Variants in APOLD1 observed in about 807,000 individuals in gnomAD.
APOLD1 encodes the protein apolipoprotein L domain-containing protein 1.
A neutral mutation model predicts 15.3 loss-of-function variants in APOLD1; 22 were observed. That is an observed-to-expected ratio of 1.44 (90% CI 1.03 to 2.05). The LOEUF (loss-of-function observed/expected upper bound fraction) is 2.05. Ranked by LOEUF, APOLD1 falls within the 30% of genes most tolerant of loss-of-function variation. APOLD1 has a pLI of 0.00. For missense variants in APOLD1, 394 were observed against 353.5 expected, an observed-to-expected ratio of 1.11 and a Z score of -0.92; for synonymous variants, 190 against 167.4, an observed-to-expected ratio of 1.13 and a Z score of -1.04.
At chr12:12,750,177 G>C (rs1044369448) in intron 1 of APOLD1, among the ~76,000 whole-genome samples, 2 of 151,900 alleles carry the variant, frequency 1.3e-5, no homozygotes, top group Non-Finnish European at 2.9e-5. Flanking sequence ...GTTCGAGACC[G>C]GCCTGACCAA....
intron 1 of APOLD1, among the ~76,000 whole-genome samples, chr12:12,762,797 T>C (rs571602656): frequency 1.2e-3 from 181 of 152,258 alleles, no homozygotes; most frequent in African/African-American, 4.3e-3. Flanking sequence ...AGGACAAATA[T>C]GGCCCATGAA....
intron 1 of APOLD1, among the ~76,000 whole-genome samples, chr12:12,733,020 G>T (rs1014682339): frequency 3.9e-5 from 6 of 152,014 alleles, no homozygotes; most frequent in African/African-American, 1.4e-4. Flanking sequence ...TGTATTAACA[G>T]TTATATATCT....
intron 1 of APOLD1, among the ~76,000 whole-genome samples, chr12:12,746,355 G>C (rs758668120): frequency 6.6e-6 from 1 of 152,128 alleles, no homozygotes; most frequent in Admixed American, 6.5e-5. Context: ...CATTAGCTGC[G>C]TGTGGTGGCA....
intron 1 of APOLD1, among the ~76,000 whole-genome samples, chr12:12,744,899 C>T (rs1946754310): frequency 6.6e-6 from 1 of 152,136 alleles, no homozygotes; most frequent in Non-Finnish European, 1.5e-5. Context: ...GATCCCTGTG[C>T]CACGATCTGC....
chr12:12,733,927 A>G (rs1417172451), intron 1 of APOLD1, among the ~76,000 whole-genome samples: 1 of 152,162 alleles, frequency 6.6e-6, no homozygotes, highest in Non-Finnish European at 1.5e-5. Flanking sequence ...TGAAATAATT[A>G]TTTTTACAAT....
chr12:12,755,063 AGTTATT>A (rs1278621627), intron 1 of APOLD1, among the ~76,000 whole-genome samples: 1 of 151,964 alleles, frequency 6.6e-6, no homozygotes, highest in Non-Finnish European at 1.5e-5. Context: ...CAAAAAATGA[AGTTATT>A]GTTATTAAAA....
chr12:12,777,900 T>TG (rs1947048611), intron 1 of APOLD1, among the ~76,000 whole-genome samples: 1 of 25,904 alleles, frequency 3.9e-5, no homozygotes, highest in East Asian at 2.6e-3. Flanking sequence ...TTTTTTTTTT[T>TG]TTTTTTTTTT....
At position 12,728,690 on chromosome 12, in the gene APOLD1, A is replaced by AG. The variant is rs1555087037; in HGVS notation, c.96+2594_96+2595insG. ...CAAAAAAAAAAAAAAAAAAAAAAAA[A>AG]AGAGAGAGAAAGAAAAGAAAGAAAG... On this transcript the variant is annotated intron_variant, in intron 1 of 1. Coordinates refer to the APOLD1 transcript ENST00000326765. 3.6e-5 allele frequency among the ~76,000 whole-genome samples: 5 copies of AG among 139,410 alleles called. 1 individual carries two copies. Among genetic ancestry groups the AG allele is most frequent in the Admixed American group, 7.3e-5 (1 of 13,622 alleles). 91.5% of individuals were successfully genotyped at this position (139,410 alleles called of 152,430 possible). A position where few individuals can be genotyped will look rare whatever the true frequency, so the allele number is the denominator to read the frequency against.
intron 1 of APOLD1, among the ~76,000 whole-genome samples, chr12:12,744,325 AT>A (rs1044329577): frequency 2.2e-5 from 3 of 136,952 alleles, no homozygotes; most frequent in African/African-American, 8.3e-5. Flanking sequence ...AAAAAAAAAA[AT>A]GGCTGGCTGT....
intron 1 of APOLD1, among the ~76,000 whole-genome samples, chr12:12,743,621 C>G (rs962465791): frequency 6.6e-6 from 1 of 152,192 alleles, no homozygotes; most frequent in Admixed American, 6.5e-5. Flanking sequence ...AGATACACAT[C>G]CTAATCCCCA....
chr12:12,734,422 G>A lies in APOLD1; in HGVS notation c.96+8326G>A, dbSNP rs767466753. Among the ~76,000 whole-genome samples the A allele has an allele frequency of 7.2e-5, 11 of 152,326 alleles. No individual in the cohort carries two copies. The South Asian group carries it at 1.4e-3, about 20-fold the overall frequency. ...TCCCTCTCCATGTGACTGACCTGGG[G>A]CAAATCTTAGAATCTCAGAATATTG... On this transcript the variant is annotated intron_variant, in intron 1 of 1. Transcript: ENST00000326765.
chr12:12,774,240 A>C (rs1399521615), intron 1 of APOLD1, among the ~76,000 whole-genome samples: 1 of 152,136 alleles, frequency 6.6e-6, no homozygotes, highest in African/African-American at 2.4e-5. Context: ...CTTAAAACTC[A>C]ACAATAAGAA....
chr12:12,760,746 A>G (rs192884537), intron 1 of APOLD1, among the ~76,000 whole-genome samples: 118 of 152,300 alleles, frequency 7.7e-4, no homozygotes, highest in Non-Finnish European at 1.5e-3. Context: ...AGGCAAATCA[A>G]TAGAAATATG....
chr12:12,754,235 AC>A (rs1362387128), intron 1 of APOLD1, among the ~76,000 whole-genome samples: 5 of 149,406 alleles, frequency 3.3e-5, no homozygotes, highest in Admixed American at 6.7e-5. Flanking sequence ...AAAGAAAAAA[AC>A]ATCAGTGCAA....
At chr12:12,782,402 G>C (rs1203843099), upstream of APOLD1, among the ~76,000 whole-genome samples, 1 of 152,160 alleles carries the variant, frequency 6.6e-6, no homozygotes, top group Non-Finnish European at 1.5e-5. Flanking sequence ...TCCAGGGCTG[G>C]GGCCTGAAGA....
At chr12:12,746,303 C>A (rs905095005) in intron 1 of APOLD1, among the ~76,000 whole-genome samples, 1 of 152,226 alleles carries the variant, frequency 6.6e-6, no homozygotes, top group Non-Finnish European at 1.5e-5. Flanking sequence ...CGAGACCAAC[C>A]TGGCCAACAT....
intron 1 of APOLD1, among the ~76,000 whole-genome samples, chr12:12,770,175 C>T (rs1353634988): frequency 2.0e-5 from 3 of 151,980 alleles, no homozygotes; most frequent in Admixed American, 6.6e-5. Flanking sequence ...TTTGGGAGGC[C>T]GAGGCGGGCA....
chr12:12,786,565 G>C, intron 1 of APOLD1: 3 of 730,312 alleles, frequency 4.1e-6, no homozygotes, highest in Non-Finnish European at 5.0e-6. Context: ...CCTCAGTACT[G>C]GAGAAGCCTT....
Position 12,730,060 on chromosome 12 carries a change from G to A in APOLD1, c.96+3964G>A, listed in dbSNP as rs969931538. Among the ~76,000 whole-genome samples the A allele has an allele frequency of 1.9e-3, 200 of 105,166 alleles. 2 individuals are homozygous for A. The highest frequency in any genetic ancestry group is 5.0e-3 in the Admixed American group (49 of 9,892). The allele number at this position is 105,166 out of a possible 152,430, so 69.0% of individuals were successfully genotyped here. ...TGTGTGTGTGTGTGTGTGTGTGTGT[G>A]TGTGTGTGTGTGTGTGTGAGAGAGA... On this transcript the variant is annotated intron_variant, in intron 1 of 1. Transcript: ENST00000326765.
Sources: gnomAD v4.1 joint callset for allele counts (sites outside exome capture counted in the v4.1 genomes callset) on GRCh38, gnomAD v4.1.1 for gene constraint, MANE v1.5 for transcripts, NCBI Gene and HGNC (gene_info 2026-07-23, HGNC 2026-07-21) for gene names.